SETD3: variants seen among roughly 807,000 people sequenced by gnomAD.
The protein encoded by SETD3 is actin-histidine N-methyltransferase.
SETD3 carries 19 observed loss-of-function variants against 63.0 expected under a neutral mutation model. The ratio of observed to expected loss-of-function variants is 0.30; its 90% confidence interval spans 0.21 to 0.44. The LOEUF (loss-of-function observed/expected upper bound fraction) is 0.44. Among genes scored for constraint, SETD3 ranks in the 20% least tolerant of loss-of-function variants. The pLI, the probability that SETD3 is intolerant of heterozygous loss-of-function variation, is 1.00. For synonymous variants in SETD3, 286 were observed against 264.1 expected (o/e 1.08, Z -0.80); for missense variants, 587 against 728.5 (o/e 0.81, Z 2.24).
chr14:99,445,348 AAAGTT>A (rs1291666685), intron 6 of SETD3, among the ~76,000 whole-genome samples: 1 of 152,250 alleles, frequency 6.6e-6, no homozygotes, highest in Non-Finnish European at 1.5e-5. Context: ...AAGTTCAACT[AAAGTT>A]AAGCCATCTA....
At chr14:99,419,563 C>T (rs1434543856) in intron 6 of SETD3, among the ~76,000 whole-genome samples, 1 of 152,048 alleles carries the variant, frequency 6.6e-6, no homozygotes, top group Non-Finnish European at 1.5e-5. Context: ...ATCACGAGGT[C>T]AGGAGATCGA....
intron 6 of SETD3, among the ~76,000 whole-genome samples, chr14:99,440,743 A>T (rs1893758636): frequency 6.6e-6 from 1 of 152,106 alleles, no homozygotes; most frequent in Admixed American, 6.5e-5. Flanking sequence ...GTGAAAAAAA[A>T]AAAAGAACAA....
chr14:99,421,024 C>T (rs1348905437), intron 6 of SETD3, among the ~76,000 whole-genome samples: 3 of 101,424 alleles, frequency 3.0e-5, no homozygotes, highest in Non-Finnish European at 5.6e-5. Context: ...GACAGTAAAT[C>T]TTTCGTTTCT....
At chr14:99,436,199 T>C (rs958728183) in intron 6 of SETD3, among the ~76,000 whole-genome samples, 1 of 152,108 alleles carries the variant, frequency 6.6e-6, no homozygotes, top group African/African-American at 2.4e-5. Flanking sequence ...ACGGGAATGA[T>C]GGAGATTACA....
At chr14:99,467,371 C>T (rs1190190426) in intron 1 of SETD3, among the ~76,000 whole-genome samples, 1 of 152,180 alleles carries the variant, frequency 6.6e-6, no homozygotes, top group East Asian at 1.9e-4. Context: ...TTTTCCTATG[C>T]TTAAGAAATG....
intron 1 of SETD3, among the ~76,000 whole-genome samples, chr14:99,473,664 A>G (rs1038018070): frequency 1.3e-5 from 2 of 152,138 alleles, no homozygotes; most frequent in South Asian, 2.1e-4. Flanking sequence ...AGCACACTCG[A>G]GAGAGTGTGA....
intron 8 of SETD3, chr14:99,410,203 A>C (rs1322909930): frequency 2.5e-6 from 4 of 1,613,696 alleles, no homozygotes. Flanking sequence ...AGAGCGAAGG[A>C]ATCTTCTGGT....
At chr14:99,455,575 A>G (rs780942783) in intron 6 of SETD3, among the ~76,000 whole-genome samples, 9 of 152,208 alleles carry the variant, frequency 5.9e-5, no homozygotes, top group Admixed American at 3.3e-4. Flanking sequence ...GGGATCTGGA[A>G]TCAGCTAACG....
At chr14:99,475,855 T>C (rs183861783) in intron 1 of SETD3, among the ~76,000 whole-genome samples, 68 of 152,334 alleles carry the variant, frequency 4.5e-4, no homozygotes, top group African/African-American at 1.4e-3. Flanking sequence ...TGATGCAACA[T>C]GGTCCCATAG....
rs536996347 is a variant in SETD3 at position 99,423,588 on chromosome 14, CAAAAAAAAA to C, written c.676-9663_676-9655del. On this transcript the variant is annotated intron_variant, in intron 6 of 12. Transcript: ENST00000331768. ...CAGAAGGCTCTTAAGCACTGTTATG[CAAAAAAAAA>C]AAAAAAAAAAAAAAAAAGAGCAGGC... is the stretch of plus-strand genomic sequence containing the variant. Among the ~76,000 whole-genome samples, 287 of 36,910 alleles carry C rather than the reference CAAAAAAAAA, an allele frequency of 7.8e-3. 6 individuals carry two copies. In the East Asian group the frequency reaches 0.18, roughly 23 times the overall value. 24.2% of individuals were successfully genotyped at this position (36,910 alleles called of 152,430 possible).
intron 1 of SETD3, 36 bp downstream of exon 1, chr14:99,480,692 G>A (rs2139836650): frequency 6.6e-6 from 1 of 150,872 alleles, no homozygotes; most frequent in South Asian, 2.1e-4. Flanking sequence ...TTCCCCCGCG[G>A]GCCGCGCGGG....
In SETD3 at chr14:99,459,728, T is replaced by C. The variant is rs191778689; in HGVS notation, c.346-543A>G. On this transcript the variant is annotated intron_variant, in intron 4 of 12. Transcript: ENST00000331768. Reference sequence around the variant, plus strand: ...GGTTTAGAAATTTGTTTCCCAAAGCTTTTTCTCATTTTTTGGCAATACAGG... The same window carrying C: ...GGTTTAGAAATTTGTTTCCCAAAGCCTTTTCTCATTTTTTGGCAATACAGG... Among the ~76,000 whole-genome samples, 150 of 152,352 alleles carry C rather than the reference T, an allele frequency of 9.8e-4. 3 individuals carry two copies. The highest frequency in any genetic ancestry group is 8.9e-3 in the Admixed American group (137 of 15,312).
chr14:99,485,606 T>C (rs1177306334), upstream of SETD3, among the ~76,000 whole-genome samples: 1 of 152,176 alleles, frequency 6.6e-6, no homozygotes, highest in East Asian at 1.9e-4. Context: ...TTCATTCTCC[T>C]TTATGCTGAA....
intron 1 of SETD3, among the ~76,000 whole-genome samples, chr14:99,473,784 A>T (rs958130307): frequency 6.6e-6 from 1 of 152,214 alleles, no homozygotes; most frequent in Non-Finnish European, 1.5e-5. Context: ...AAATACACAA[A>T]TTACAGGATG....
chr14:99,439,692 GTATT>G (rs34965421), intron 6 of SETD3, among the ~76,000 whole-genome samples: 2,359 of 144,518 alleles, frequency 0.016, 58 homozygotes, highest in African/African-American at 0.056. Context: ...ATATTTATAT[GTATT>G]TATATTTTTA....
intron 8 of SETD3, among the ~76,000 whole-genome samples, chr14:99,407,807 C>T (rs1017189175): frequency 4.6e-5 from 7 of 152,270 alleles, no homozygotes; most frequent in South Asian, 2.1e-4. Flanking sequence ...GCCTCCCCGT[C>T]GGTCACACTT....
At chr14:99,483,687 G>A (rs922950089), upstream of SETD3, among the ~76,000 whole-genome samples, 2 of 152,260 alleles carry the variant, frequency 1.3e-5, no homozygotes, top group African/African-American at 4.8e-5. Context: ...AATACTGTGT[G>A]TAGACACAAG....
chr14:99,479,843 C>A (rs1896173219), intron 1 of SETD3, among the ~76,000 whole-genome samples: 2 of 152,244 alleles, frequency 1.3e-5, no homozygotes, highest in Admixed American at 1.3e-4. Context: ...GTGGTCCTAA[C>A]CCGCGAATGC....
intron 6 of SETD3, among the ~76,000 whole-genome samples, chr14:99,453,751 G>A (rs1268354957): frequency 6.6e-6 from 1 of 151,914 alleles, no homozygotes; most frequent in African/African-American, 2.4e-5. Context: ...GCTTGAACCC[G>A]GGAGGCTGAG....
Sources: allele counts gnomAD v4.1 joint callset (sites outside exome capture counted in the v4.1 genomes callset), GRCh38; gene constraint gnomAD v4.1.1; transcripts MANE v1.5; gene names NCBI Gene and HGNC (gene_info 2026-07-23, HGNC 2026-07-21).